The following PLEKHA5 variants were observed in gnomAD, a reference collection of about 807,000 sequenced individuals.
The protein encoded by PLEKHA5 is pleckstrin homology domain-containing family A member 5.
A neutral mutation model predicts 181.9 loss-of-function variants in PLEKHA5; 55 were observed. The observed-to-expected ratio is 0.30, with a 90% CI of 0.24 to 0.38. PLEKHA5 has a LOEUF of 0.38. PLEKHA5 is among the 10% of genes least tolerant of loss of function. The probability of loss-of-function intolerance (pLI) is 1.00; values close to 1 mark genes in which losing one functional copy is unlikely to be tolerated. For synonymous variants in PLEKHA5, 535 were observed against 529.4 expected (o/e 1.01, Z -0.15); for missense variants, 1,432 against 1,549.5 (o/e 0.92, Z 1.27).
chr12:19,354,455 G>A (rs555771597), intron 26 of PLEKHA5, among the ~76,000 whole-genome samples: 10 of 129,814 alleles, frequency 7.7e-5, no homozygotes, highest in East Asian at 4.7e-4. Context: ...CCCCCAGCCC[G>A]ATCTTAGTTA....
At chr12:19,335,861 AGC>A (rs1445587248) in intron 20 of PLEKHA5, among the ~76,000 whole-genome samples, 1 of 151,974 alleles carries the variant, frequency 6.6e-6, no homozygotes, top group Non-Finnish European at 1.5e-5. Flanking sequence ...CAAACTGCTG[AGC>A]TCAAGTGATC....
At chr12:19,278,155 T>C (rs2075108401) in intron 11 of PLEKHA5, among the ~76,000 whole-genome samples, 1 of 152,232 alleles carries the variant, frequency 6.6e-6, no homozygotes, top group South Asian at 2.1e-4. Flanking sequence ...ATTTAATTTT[T>C]AATTAAAATT....
In PLEKHA5 at chr12:19,354,420, TG is replaced by T. The variant is rs543958703; in HGVS notation, c.3138+421del. Among the ~76,000 whole-genome samples the T allele has an allele frequency of 2.5e-3, 377 of 148,808 alleles. 1 individual carries two copies. Among genetic ancestry groups the T allele is most frequent in the Non-Finnish European group, 3.7e-3 (248 of 67,318 alleles). ...TGCCCACCTCGGCCTCCCAAAGTGC[TG>T]GGATTACAGGTGTGAGCCACCGCCC... On this transcript the variant is annotated intron_variant, in intron 26 of 31. Coordinates refer to ENST00000429027, the MANE Select transcript of PLEKHA5 (RefSeq NM_001256470.2).
intron 3 of PLEKHA5, among the ~76,000 whole-genome samples, chr12:19,235,336 A>G (rs965342499): frequency 6.6e-6 from 1 of 152,170 alleles, no homozygotes; most frequent in Non-Finnish European, 1.5e-5. Context: ...GGTATCTAAA[A>G]ATTTTTATAT....
intron 20 of PLEKHA5, among the ~76,000 whole-genome samples, chr12:19,323,082 C>G (rs931843072): frequency 1.2e-4 from 17 of 143,906 alleles, no homozygotes; most frequent in African/African-American, 4.2e-4. Flanking sequence ...AGACTGGTCT[C>G]AAACTCCTGG....
intron 3 of PLEKHA5, among the ~76,000 whole-genome samples, chr12:19,229,428 C>T (rs959600485): frequency 6.6e-6 from 1 of 152,146 alleles, no homozygotes; most frequent in African/African-American, 2.4e-5. Context: ...CTCCTGGTCT[C>T]ACTGGCTTCA....
At chr12:19,224,773 A>G (rs1490544333) in intron 3 of PLEKHA5, among the ~76,000 whole-genome samples, 3 of 152,214 alleles carry the variant, frequency 2.0e-5, no homozygotes, top group African/African-American at 4.8e-5. Context: ...TTTCAAAAGT[A>G]TATGGCTTTA....
At chr12:19,169,245 A>G (rs2045327515) in intron 3 of PLEKHA5, among the ~76,000 whole-genome samples, 1 of 151,718 alleles carries the variant, frequency 6.6e-6, no homozygotes, top group Admixed American at 6.6e-5. Flanking sequence ...GTTAATTGCT[A>G]TTTAAAGGTT....
rs1360478627 is a variant in PLEKHA5 at position 19,242,943 on chromosome 12, A to G, written c.228-10997A>G. 2.6e-5 allele frequency among the ~76,000 whole-genome samples: 4 copies of G among 152,340 alleles called. No homozygotes were observed. In the East Asian group the frequency reaches 7.7e-4, roughly 29 times the overall value. On this transcript the variant is annotated intron_variant, in intron 3 of 31. Transcript: ENST00000429027. The stretch of plus-strand genomic sequence containing the variant: ...TAATTTTGTCTGAACAGCTAAGAGT[A>G]GGAAATGATTATGAAGCTTCCAAGG...
chr12:19,285,511 G>A (rs992920462), intron 12 of PLEKHA5, among the ~76,000 whole-genome samples: 3 of 152,154 alleles, frequency 2.0e-5, no homozygotes, highest in African/African-American at 7.2e-5. Context: ...CCCTGTGGGG[G>A]TTCCCTCCCA....
intron 3 of PLEKHA5, chr12:19,200,533 T>C: frequency 7.5e-7 from 1 of 1,330,884 alleles, no homozygotes; most frequent in South Asian, 2.1e-5. Flanking sequence ...CACCTCAGAA[T>C]GCTTGTCTCA....
At chr12:19,372,152 C>G (rs2095596047) in intron 31 of PLEKHA5, 1 of 152,270 alleles carries the variant, frequency 6.6e-6, no homozygotes, top group Non-Finnish European at 1.5e-5. Context: ...AGGCGTGTGC[C>G]ACCACACCCA....
At chr12:19,370,086 T>C (rs1354126187) in intron 31 of PLEKHA5, among the ~76,000 whole-genome samples, 1 of 152,256 alleles carries the variant, frequency 6.6e-6, no homozygotes, top group Admixed American at 6.5e-5. Context: ...GTTGTGCAGC[T>C]GTGCTTCTAC....
At chr12:19,250,930 A>G (rs2065114483) in intron 3 of PLEKHA5, among the ~76,000 whole-genome samples, 1 of 152,200 alleles carries the variant, frequency 6.6e-6, no homozygotes. Flanking sequence ...ACACTACACA[A>G]AAACTTCATT....
At chr12:19,160,558 T>G (rs2042740944) in intron 3 of PLEKHA5, among the ~76,000 whole-genome samples, 1 of 152,162 alleles carries the variant, frequency 6.6e-6, no homozygotes, top group Admixed American at 6.5e-5. Context: ...ATTCTTTCAG[T>G]TTCCTTCCTA....
intron 20 of PLEKHA5, among the ~76,000 whole-genome samples, chr12:19,329,247 T>G (rs1397574291): frequency 6.6e-6 from 1 of 152,230 alleles, no homozygotes; most frequent in Non-Finnish European, 1.5e-5. Context: ...GCTTGTATCT[T>G]GTTGAGGATT....
rs536682624 is a variant in PLEKHA5 at position 19,230,028 on chromosome 12, G to C, written c.228-23912G>C. On this transcript the variant is annotated intron_variant, in intron 3 of 31. Coordinates refer to ENST00000429027, the MANE Select transcript of PLEKHA5 (RefSeq NM_001256470.2). ...TTAGGTAGACATAAAGGTTCTCCAAGTCCGCACCAGATTAGCTAGATACAG... is the reference window on the plus strand; with the variant it reads ...TTAGGTAGACATAAAGGTTCTCCAACTCCGCACCAGATTAGCTAGATACAG... Among the ~76,000 whole-genome samples, 7 of 152,214 alleles carry C rather than the reference G, an allele frequency of 4.6e-5. 1 individual carries two copies. In the East Asian group the frequency reaches 1.4e-3, roughly 29 times the overall value.
intron 15 of PLEKHA5, among the ~76,000 whole-genome samples, chr12:19,296,762 C>T (rs1354161372): frequency 6.6e-6 from 1 of 151,940 alleles, no homozygotes; most frequent in Non-Finnish European, 1.5e-5. Context: ...AGAAACTAGA[C>T]CAGGAGCTGA....
At chr12:19,365,886 A>G (rs1354633136) in intron 29 of PLEKHA5, 78 bp from the exon 30 acceptor site, 3 of 882,226 alleles carry the variant, frequency 3.4e-6, no homozygotes, top group Admixed American at 3.3e-5. Context: ...AGGTGGTGGC[A>G]TCTTTTATAA....
Sources: allele counts gnomAD v4.1 joint callset (sites outside exome capture counted in the v4.1 genomes callset), GRCh38; gene constraint gnomAD v4.1.1; transcripts MANE v1.5; gene names NCBI Gene and HGNC (gene_info 2026-07-23, HGNC 2026-07-21).